The following FCRLA variants were observed in gnomAD, a reference collection of about 807,000 sequenced individuals.
The protein encoded by FCRLA is Fc receptor-like A.
In FCRLA, 26 loss-of-function variants were observed where a neutral mutation model predicts 28.4. That is an observed-to-expected ratio of 0.91 (90% confidence interval 0.67 to 1.27). The LOEUF (loss-of-function observed/expected upper bound fraction) is 1.27, where lower values mean the gene tolerates loss of function less well. Ranked by LOEUF, FCRLA falls within the 50% of genes most tolerant of loss-of-function variation. The pLI is 0.00. For missense variants in FCRLA, 422 were observed against 433.1 expected (o/e 0.97, Z 0.23); for synonymous variants, 174 against 168.5 (o/e 1.03, Z -0.25).
rs1683218771 is a variant in FCRLA, at chr1:161,713,606, T to C, written c.*226T>C. 1 of 463,768 alleles carries C rather than the reference T, an allele frequency of 2.2e-6. No individual in the cohort carries two copies. Among genetic ancestry groups the C allele is most frequent in the Admixed American group, 4.0e-5 (1 of 25,232 alleles). 28.7% of individuals were successfully genotyped at this position (463,768 alleles called of 1,614,324 possible). A position where few individuals can be genotyped will look rare whatever the true frequency, so the allele number is the denominator to read the frequency against. On this transcript the variant is annotated 3_prime_UTR_variant, in exon 5 of 5. Coordinates refer to ENST00000236938, the MANE Select transcript of FCRLA (RefSeq NM_032738.4). ...ACACAACAGAATTCTGCTGTCTAGA[T>C]CAGGAATTTCTATCTGTTATATCGA...
At position 161,713,363 on chromosome 1, in the gene FCRLA, A is replaced by G. The variant is rs760241558; in HGVS notation, c.1063A>G (p.Lys355Glu). The part of the protein sequence containing the change: ...LSGHRKPGTT[K>E]ATAE ...TGGCCACCGGAAGCCTGGGACCACA[A>G]AGGCTACTGCTGAATAGAAGTAAAC... Residue 355 changes from lysine to glutamate, a missense_variant, in exon 5 of 5, where the codon AAG (lysine) becomes GAG (glutamate). By Grantham distance (56) the Lys-to-Glu change is moderately conservative (BLOSUM62 1). Transcript: ENST00000236938. 10 of 1,613,886 alleles carry G rather than the reference A, an allele frequency of 6.2e-6. No individual in the cohort carries two copies. In the Admixed American group the frequency reaches 8.3e-5, roughly 13 times the overall value.
chr1:161,708,138 T>C (rs1048628318), intron 1 of FCRLA, among the ~76,000 whole-genome samples: 1 of 152,232 alleles, frequency 6.6e-6, no homozygotes, highest in African/African-American at 2.4e-5. Flanking sequence ...CTCTGCACCA[T>C]GTGACTAGAG....
chr1:161,711,687 C>T lies in FCRLA; in HGVS notation c.499+213C>T. 3 of 728,628 alleles carry T rather than the reference C, an allele frequency of 4.1e-6. No homozygotes were observed. In the South Asian group the frequency reaches 5.5e-5, roughly 13 times the overall value. 45.1% of individuals were successfully genotyped at this position (728,628 alleles called of 1,614,324 possible). A position where few individuals can be genotyped will look rare whatever the true frequency, so the allele number is the denominator to read the frequency against. Reference sequence around the variant, plus strand: ...AGAGTCCAGCATAGTTCCTACCACCCAGATCTATGCTTCCTAGTGCTCACT... The same window carrying T: ...AGAGTCCAGCATAGTTCCTACCACCTAGATCTATGCTTCCTAGTGCTCACT... On this transcript the variant is annotated intron_variant, in intron 3 of 4. Transcript: ENST00000236938.
rs1380550140 is a variant in FCRLA, at chr1:161,713,314, G to T, written c.1014G>T (p.Leu338=). Residue 338 remains leucine (L), a synonymous_variant, in exon 5 of 5, where the codon CTG becomes CTT. Coordinates refer to ENST00000236938, the MANE Select transcript of FCRLA (RefSeq NM_032738.4). ...MQDVRVLLGH[L]LMELRELSGH... is the part of the protein sequence containing the mutation. ...ATGTGAGAGTCCTCCTCGGTCACCT[G>T]CTCATGGAGTTGAGGGAATTATCTG... 6 of 1,614,232 alleles carry T rather than the reference G, an allele frequency of 3.7e-6. No individual in the cohort carries two copies. The highest frequency in any genetic ancestry group is 5.1e-6 in the Non-Finnish European group (6 of 1,180,046).
chr1:161,710,497 G>T, intron 1 of FCRLA: 1 of 1,550,696 alleles, frequency 6.4e-7, no homozygotes, highest in South Asian at 1.2e-5. Flanking sequence ...ATGCCGGTGA[G>T]TTTCACCATT....
At chr1:161,710,247 C>T (rs1489108086) in intron 1 of FCRLA, 2 of 577,918 alleles carry the variant, frequency 3.5e-6, no homozygotes, top group Admixed American at 3.0e-5. Context: ...TCTTTTTAAG[C>T]TTTGGGTATG....
In FCRLA at chr1:161,713,120, CCAGCTCCTCAGAAAT is replaced by C. The variant is rs1683189078; in HGVS notation, c.826_840del (p.Pro276_Ala280del). 6.2e-7 allele frequency: 1 copy of C among 1,613,886 alleles called. No homozygotes were observed. The highest frequency in any genetic ancestry group is 1.7e-5 in the Admixed American group (1 of 59,940). On this transcript the variant is annotated inframe_deletion, in exon 5 of 5. Coordinates refer to ENST00000236938, the MANE Select transcript of FCRLA (RefSeq NM_032738.4). Reference sequence around the variant, plus strand: ...CTCTGCTGCACCTCCCACATTGAATCCAGCTCCTCAGAAATCAGCTGCTCCAGGAACTGCTCCTGA... The same window carrying C: ...CTCTGCTGCACCTCCCACATTGAATCCAGCTGCTCCAGGAACTGCTCCTGA...
intron 4 of FCRLA, 79 bp from the exon 5 acceptor site, chr1:161,713,006 A>C: frequency 6.7e-7 from 1 of 1,495,400 alleles, no homozygotes; most frequent in Non-Finnish European, 9.0e-7. Context: ...TCAGAGAACA[A>C]GAAAGATTGG....
At chr1:161,710,936 C>A in intron 2 of FCRLA, 24 bp downstream of exon 2, 1 of 1,611,278 alleles carries the variant, frequency 6.2e-7, no homozygotes, top group East Asian at 2.2e-5. Flanking sequence ...AAGGCCTGAG[C>A]AGTGCCCCAA....
At chr1:161,712,868 T>C (rs1194733884) in intron 4 of FCRLA, among the ~76,000 whole-genome samples, 1 of 152,222 alleles carries the variant, frequency 6.6e-6, no homozygotes, top group African/African-American at 2.4e-5. Context: ...TAGTTATAGC[T>C]GTCCAGTGGT....
intron 3 of FCRLA, 42 bp from the exon 4 acceptor site, chr1:161,711,892 T>C (rs778938951): frequency 1.8e-5 from 28 of 1,568,302 alleles, no homozygotes; most frequent in African/African-American, 4.1e-5. Context: ...TACCTGTATA[T>C]AAGATGGCTG....
chr1:161,712,263 G>C (rs1345760692), intron 4 of FCRLA, 45 bp downstream of exon 4: 1 of 1,573,228 alleles, frequency 6.4e-7, no homozygotes, highest in East Asian at 2.2e-5. Context: ...GCATGCGTGT[G>C]AGTGAAAAGG....
intron 2 of FCRLA, 135 bp downstream of exon 2, chr1:161,711,047 G>C: frequency 2.8e-6 from 4 of 1,442,482 alleles, no homozygotes; most frequent in Non-Finnish European, 3.8e-6. Context: ...ACAGCAACCA[G>C]GGTGCTCTAA....
intron 3 of FCRLA, chr1:161,711,718 G>A: frequency 1.3e-6 from 1 of 744,014 alleles, no homozygotes; most frequent in South Asian, 1.8e-5. Context: ...TCACTGATTG[G>A]GTGTCTGGAC....
At chr1:161,712,556 A>C (rs1229256523) in intron 4 of FCRLA, among the ~76,000 whole-genome samples, 1 of 152,174 alleles carries the variant, frequency 6.6e-6, no homozygotes, top group East Asian at 1.9e-4. Context: ...GTCTATGTTC[A>C]ATTCTGGGAG....
At position 161,713,985 on chromosome 1, in the gene FCRLA, A is replaced by G. The variant is rs1683235594; in HGVS notation, c.*605A>G. ...CTAATTATTATCTCTTTCCAGCCTC[A>G]TTCAGCTATTCTTACTGACATACCA... On this transcript the variant is annotated 3_prime_UTR_variant, in exon 5 of 5. Coordinates refer to ENST00000236938, the MANE Select transcript of FCRLA (RefSeq NM_032738.4). 1 of 152,392 alleles carries G rather than the reference A, an allele frequency of 6.6e-6. No homozygotes were observed. Among genetic ancestry groups the G allele is most frequent in the African/African-American group, 2.4e-5 (1 of 41,446 alleles). The allele number at this position is 152,392 out of a possible 1,614,324, so 9.4% of individuals were successfully genotyped here.
chr1:161,713,666 G>A lies in FCRLA; in HGVS notation c.*286G>A. 1 of 282,180 alleles carries A rather than the reference G, an allele frequency of 3.5e-6. No individual in the cohort carries two copies. The highest frequency in any genetic ancestry group is 6.6e-6 in the Non-Finnish European group (1 of 150,958). 17.5% of individuals were successfully genotyped at this position (282,180 alleles called of 1,614,324 possible). A position where few individuals can be genotyped will look rare whatever the true frequency, so the allele number is the denominator to read the frequency against. On this transcript the variant is annotated 3_prime_UTR_variant, in exon 5 of 5. Transcript: ENST00000236938. ...TGTGATTTAAAGAGAACTAATGGAA[G>A]TGGATTGAATACAGCAGTCTCAACT...
At position 161,710,446 on chromosome 1, in the gene FCRLA, TTG is replaced by T. The variant is rs1557919613; in HGVS notation, c.80-312_80-311del. ...TATGCCTCCCTGCTTCGAGTTACCATTGTCTTTGCTCCTGGTTTCCCGTACCA... is the reference window on the plus strand; with the variant it reads ...TATGCCTCCCTGCTTCGAGTTACCATTCTTTGCTCCTGGTTTCCCGTACCA... On this transcript the variant is annotated intron_variant, in intron 1 of 4. Transcript: ENST00000236938. 1.9e-6 allele frequency: 3 copies of T among 1,549,034 alleles called. No individual in the cohort carries two copies. In the Admixed American group the frequency reaches 5.9e-5, roughly 30 times the overall value.
Position 161,713,242 on chromosome 1 carries a change from T to C in FCRLA, c.942T>C (p.Asp314=), listed in dbSNP as rs768643221. 8.7e-6 allele frequency: 14 copies of C among 1,614,216 alleles called. 1 individual carries two copies. Among genetic ancestry groups the C allele is most frequent in the Middle Eastern group, 1.6e-4 (1 of 6,062 alleles). Residue 314 remains aspartate, a synonymous_variant, in exon 5 of 5, where the codon GAT becomes GAC. Coordinates refer to ENST00000236938, the MANE Select transcript of FCRLA (RefSeq NM_032738.4). ...PGFSSPLGMP[D]PHLYHQMGLL... is the part of the protein sequence containing the mutation. ...TTTCTTCTCCTCTGGGGATGCCAGA[T>C]CCTCATCTGTATCACCAGATGGGCC...
Sources: gnomAD v4.1 joint callset for allele counts (sites outside exome capture counted in the v4.1 genomes callset) on GRCh38, gnomAD v4.1.1 for gene constraint, MANE v1.5 for transcripts, NCBI Gene and HGNC (gene_info 2026-07-23, HGNC 2026-07-21) for gene names.